ZC3H6: variants seen among roughly 807,000 people sequenced by gnomAD.
The protein encoded by ZC3H6 is zinc finger CCCH domain-containing protein 6.
In ZC3H6, 40 loss-of-function variants were observed where a neutral mutation model predicts 107.7. The observed-to-expected ratio is 0.37, with a 90% confidence interval of 0.29 to 0.48. The LOEUF is 0.48. Ranked by LOEUF, ZC3H6 falls within the 20% of genes least tolerant of loss-of-function variation. The pLI, the probability that ZC3H6 is intolerant of heterozygous loss-of-function variation, is 0.98. For synonymous variants in ZC3H6, 493 were observed against 487.9 expected, an observed-to-expected ratio of 1.01 and a Z score of -0.14; for missense variants, 1,267 against 1,410.4, an observed-to-expected ratio of 0.90 and a Z score of 1.63.
At position 112,332,151 on chromosome 2, in the gene ZC3H6, G is replaced by T; in HGVS notation, c.3233G>T (p.Gly1078Val). The T allele has an allele frequency of 1.2e-6, 2 of 1,613,906 alleles. No individual in the cohort carries two copies. The highest frequency in any genetic ancestry group is 8.5e-7 in the Non-Finnish European group (1 of 1,179,844). Reference protein sequence around the residue: ...GENSKNQKKSGGLKSSDKTEP... With the variant: ...GENSKNQKKSVGLKSSDKTEP... ...AACTCAAAGAACCAGAAAAAAAGTG[G>T]TGGCTTAAAAAGTAGTGACAAAACT... The change falls in exon 12 of 12, where the codon GGT (glycine) becomes GTT (valine). Residue 1078 changes from glycine to valine, a missense_variant. Physicochemically the swap from Gly to Val is moderately radical, Grantham distance 109 (BLOSUM62 -3). Coordinates refer to ENST00000409871, the MANE Select transcript of ZC3H6 (RefSeq NM_198581.3).
At position 112,331,090 on chromosome 2, in the gene ZC3H6, A is replaced by G; in HGVS notation, c.2172A>G (p.Thr724=). 1 of 1,608,780 alleles carries G rather than the reference A, an allele frequency of 6.2e-7. No individual in the cohort carries two copies. Among genetic ancestry groups the G allele is most frequent in the Non-Finnish European group, 8.5e-7 (1 of 1,177,364 alleles). ...TACTGAAAACATTACAGAAACAAACAGAAACTTTAAGGAATCAGCAACAAC... is the reference window on the plus strand; with the variant it reads ...TACTGAAAACATTACAGAAACAAACGGAAACTTTAAGGAATCAGCAACAAC... ...KSILKTLQKQ[T]ETLRNQQQPS... The change falls in exon 12 of 12, where the codon ACA becomes ACG. Residue 724 remains threonine (T), a synonymous_variant. Transcript: ENST00000409871.
At chr2:112,279,899 T>C (rs1439460654) in intron 1 of ZC3H6, among the ~76,000 whole-genome samples, 1 of 152,248 alleles carries the variant, frequency 6.6e-6, no homozygotes, top group Non-Finnish European at 1.5e-5. Context: ...TTATCTTCAC[T>C]CTTCATTAAG....
At chr2:112,327,666 C>G (rs1316074157) in intron 11 of ZC3H6, among the ~76,000 whole-genome samples, 4 of 152,048 alleles carry the variant, frequency 2.6e-5, no homozygotes, top group Admixed American at 2.6e-4. Flanking sequence ...GTATTTAATC[C>G]ATTTTGATTT....
At position 112,331,599 on chromosome 2, in the gene ZC3H6, C is replaced by T. The variant is rs758951576; in HGVS notation, c.2681C>T (p.Pro894Leu). The stretch of plus-strand genomic sequence containing the variant: ...CCAGTACCTTTACCTAAACCTGATC[C>T]AGTGTCTTCAATCAATTTACCTCTG... ...LLPVPLPKPD[P>L]VSSINLPLPP... Residue 894 changes from proline (P) to leucine (L), a missense_variant, in exon 12 of 12, where the codon CCA becomes CTA. This residue lies in a region of ZC3H6 where 925 missense variants were observed against 1,025.7 expected (regional missense o/e 0.90). Coordinates refer to ENST00000409871, the MANE Select transcript of ZC3H6 (RefSeq NM_198581.3). 1.2e-6 allele frequency: 2 copies of T among 1,613,954 alleles called. No individual in the cohort carries two copies. Among genetic ancestry groups the T allele is most frequent in the Non-Finnish European group, 1.7e-6 (2 of 1,179,862 alleles).
At chr2:112,276,051 T>C (rs1229205048) in intron 1 of ZC3H6, 25 bp downstream of exon 1, 1 of 1,538,602 alleles carries the variant, frequency 6.5e-7, no homozygotes, top group East Asian at 2.5e-5. Flanking sequence ...TTGTCTGTCT[T>C]TCTGTCGGAT....
chr2:112,275,751 C>A lies in ZC3H6; in HGVS notation c.-244C>A. On this transcript the variant is annotated 5_prime_UTR_variant, in exon 1 of 12. Transcript: ENST00000409871. ...CGAATAGAGACTAGAGCGGCAGCGC[C>A]GGCAGCGCGGGGCCGTTGCCCAGTG... 1 of 432,744 alleles carries A rather than the reference C, an allele frequency of 2.3e-6. No individual in the cohort carries two copies. Among genetic ancestry groups the A allele is most frequent in the Non-Finnish European group, 4.1e-6 (1 of 244,018 alleles). 26.8% of individuals were successfully genotyped at this position (432,744 alleles called of 1,614,324 possible).
intron 1 of ZC3H6, among the ~76,000 whole-genome samples, chr2:112,288,200 T>C (rs1234859308): frequency 2.7e-5 from 4 of 150,660 alleles, no homozygotes; most frequent in African/African-American, 9.7e-5. Flanking sequence ...TATTCCAGCT[T>C]CCTTTCATTT....
chr2:112,279,552 C>A (rs886568225), intron 1 of ZC3H6, among the ~76,000 whole-genome samples: 14 of 152,020 alleles, frequency 9.2e-5, no homozygotes, highest in Non-Finnish European at 1.8e-4. Flanking sequence ...CATAAACAAC[C>A]TCCCCACCCT....
Position 112,324,415 on chromosome 2 carries a change from T to A in ZC3H6, c.1604T>A (p.Leu535His). Reference protein sequence around the residue: ...IVGPQNQAGVLVQPDTSLTPP... With the variant: ...IVGPQNQAGVHVQPDTSLTPP... ...GGTCCTCAAAATCAAGCTGGAGTGC[T>A]TGTTCAACCAGACACATCTTTGACA... Residue 535 changes from leucine (L) to histidine (H), a missense_variant, in exon 10 of 12, where the codon CTT becomes CAT. Leu to His is a moderately conservative substitution (Grantham distance 99). Transcript: ENST00000409871. The A allele has an allele frequency of 6.2e-7, 1 of 1,614,022 alleles. No individual in the cohort carries two copies. The highest frequency in any genetic ancestry group is 8.5e-7 in the Non-Finnish European group (1 of 1,179,894).
At chr2:112,330,437 GAA>G (rs1677004688) in intron 11 of ZC3H6, among the ~76,000 whole-genome samples, 1 of 152,144 alleles carries the variant, frequency 6.6e-6, no homozygotes, top group African/African-American at 2.4e-5. Context: ...AAGAGTAAAT[GAA>G]AAGTCTCTAC....
chr2:112,279,783 C>T (rs1395830093), intron 1 of ZC3H6, among the ~76,000 whole-genome samples: 2 of 152,164 alleles, frequency 1.3e-5, no homozygotes, highest in African/African-American at 2.4e-5. Flanking sequence ...ATTAAGGTAG[C>T]ATTACAAGGT....
At chr2:112,329,021 A>G (rs895221528) in intron 11 of ZC3H6, among the ~76,000 whole-genome samples, 1 of 152,092 alleles carries the variant, frequency 6.6e-6, no homozygotes, top group Non-Finnish European at 1.5e-5. Context: ...CTTTTAGATA[A>G]TAGAAAATTT....
At chr2:112,300,336 G>A (rs1388176090) in intron 2 of ZC3H6, among the ~76,000 whole-genome samples, 1 of 152,006 alleles carries the variant, frequency 6.6e-6, no homozygotes, top group Non-Finnish European at 1.5e-5. Context: ...CTCCTGAGTA[G>A]CTGGAACTAC....
At position 112,275,654 on chromosome 2, in the gene ZC3H6, G is replaced by C. The variant is rs1427361902; in HGVS notation, c.-341G>C. ...GCCATGTTGGTGAGGAGAAATCACC[G>C]TTACGGCCACTGTCCAAATCCCCGC... On this transcript the variant is annotated 5_prime_UTR_variant, in exon 1 of 12. Coordinates refer to ENST00000409871, the MANE Select transcript of ZC3H6 (RefSeq NM_198581.3). 1 of 403,668 alleles carries C rather than the reference G, an allele frequency of 2.5e-6. No homozygotes were observed. The highest frequency in any genetic ancestry group is 4.4e-5 in the Admixed American group (1 of 22,720). The allele number at this position is 403,668 out of a possible 1,614,324, so 25.0% of individuals were successfully genotyped here.
intron 1 of ZC3H6, among the ~76,000 whole-genome samples, chr2:112,282,147 A>G (rs974363004): frequency 6.6e-6 from 1 of 152,232 alleles, no homozygotes; most frequent in Non-Finnish European, 1.5e-5. Context: ...CTGCCTCACT[A>G]GGGTAGACAT....
At chr2:112,300,707 G>A (rs1676355987) in intron 2 of ZC3H6, among the ~76,000 whole-genome samples, 1 of 152,118 alleles carries the variant, frequency 6.6e-6, no homozygotes, top group African/African-American at 2.4e-5. Context: ...TGTATGCTGA[G>A]GGTTATAGTA....
intron 1 of ZC3H6, among the ~76,000 whole-genome samples, chr2:112,276,744 G>C (rs1476330306): frequency 2.0e-5 from 3 of 152,028 alleles, no homozygotes; most frequent in African/African-American, 7.2e-5. Context: ...GCACATTCTT[G>C]TTTCCATTCG....
intron 1 of ZC3H6, among the ~76,000 whole-genome samples, chr2:112,289,117 C>T (rs1676035251): frequency 6.7e-6 from 1 of 150,318 alleles, no homozygotes; most frequent in Non-Finnish European, 1.5e-5. Flanking sequence ...AGTGCAGTGG[C>T]ACAATATCGG....
Position 112,324,280 on chromosome 2 carries a change from G to C in ZC3H6, c.1469G>C (p.Ser490Thr). 1 of 1,613,998 alleles carries C rather than the reference G, an allele frequency of 6.2e-7. No individual in the cohort carries two copies. Among genetic ancestry groups the C allele is most frequent in the Non-Finnish European group, 8.5e-7 (1 of 1,179,862 alleles). ...GPGPNMSQGH[S>T]SPVMHPGSPG... ...GGACCTAACATGTCTCAGGGACACA[G>C]TAGTCCTGTGATGCACCCAGGCTCC... Residue 490 changes from serine to threonine, a missense_variant, in exon 10 of 12, where the codon AGT becomes ACT. Ser to Thr is a moderately conservative substitution (Grantham distance 58). Around this residue, in one of 3 missense-constraint regions of ZC3H6, gnomAD observed 925 missense variants for 1,025.7 expected, o/e 0.90. Coordinates refer to ENST00000409871, the MANE Select transcript of ZC3H6 (RefSeq NM_198581.3).
Sources: allele counts gnomAD v4.1 joint callset (sites outside exome capture counted in the v4.1 genomes callset), GRCh38; gene constraint gnomAD v4.1.1; regional missense constraint gnomAD v4.1.1; transcripts MANE v1.5; gene names NCBI Gene and HGNC (gene_info 2026-07-23, HGNC 2026-07-21).